The following TRAPPC9 variants were observed in gnomAD, a reference collection of about 807,000 sequenced individuals.
TRAPPC9 encodes the protein IKK2 binding protein.
In TRAPPC9, 83 loss-of-function variants were observed where a neutral mutation model predicts 124.0. The observed-to-expected ratio is 0.67, with a 90% confidence interval of 0.56 to 0.80. The LOEUF is 0.80. Among genes scored for constraint, TRAPPC9 ranks in the 30% least tolerant of loss-of-function variants. The pLI is 0.00. For missense variants in TRAPPC9, 1,302 were observed against 1,508.3 expected, an observed-to-expected ratio of 0.86 and a Z score of 2.27; for synonymous variants, 638 against 617.5, an observed-to-expected ratio of 1.03 and a Z score of -0.49.
intron 21 of TRAPPC9, among the ~76,000 whole-genome samples, chr8:139,753,758 T>C (rs1819516787): frequency 1.3e-5 from 2 of 152,192 alleles, no homozygotes; most frequent in East Asian, 3.9e-4. Flanking sequence ...GGAATCCTCA[T>C]TTGTAACATG....
intron 21 of TRAPPC9, among the ~76,000 whole-genome samples, chr8:139,814,897 C>T (rs886608574): frequency 2.0e-5 from 3 of 152,296 alleles, no homozygotes; most frequent in East Asian, 3.9e-4. Context: ...GTCTGGAAAA[C>T]GATGCTGCTA....
intron 21 of TRAPPC9, among the ~76,000 whole-genome samples, chr8:139,885,551 G>A (rs145721277): frequency 1.4e-3 from 208 of 152,262 alleles, no homozygotes; most frequent in African/African-American, 4.7e-3. Context: ...TTGCCATTTC[G>A]GAAGACGGCC....
At chr8:140,263,779 T>C (rs2064515007) in intron 15 of TRAPPC9, among the ~76,000 whole-genome samples, 1 of 152,174 alleles carries the variant, frequency 6.6e-6, no homozygotes, top group Admixed American at 6.5e-5. Context: ...CTAAATATTA[T>C]AACGTTGACC....
At chr8:140,115,651 C>T (rs549717258) in intron 17 of TRAPPC9, among the ~76,000 whole-genome samples, 2 of 152,088 alleles carry the variant, frequency 1.3e-5, no homozygotes, top group South Asian at 4.1e-4. Flanking sequence ...GGATGTGGAA[C>T]CGGCAGATGC....
At chr8:140,407,458 T>C (rs1050419957) in intron 5 of TRAPPC9, among the ~76,000 whole-genome samples, 4 of 152,036 alleles carry the variant, frequency 2.6e-5, no homozygotes, top group Admixed American at 2.0e-4. Context: ...GGGTTTTTCA[T>C]TCTTCACATG....
intron 19 of TRAPPC9, among the ~76,000 whole-genome samples, chr8:139,922,815 A>G (rs1223465380): frequency 1.3e-5 from 2 of 152,256 alleles, no homozygotes; most frequent in Non-Finnish European, 2.9e-5. Flanking sequence ...GACACTAGAC[A>G]GAGCTGGGAC....
intron 19 of TRAPPC9, among the ~76,000 whole-genome samples, chr8:139,957,339 C>T (rs542987703): frequency 3.0e-4 from 46 of 152,302 alleles, no homozygotes; most frequent in African/African-American, 1.0e-3. Context: ...CGGCACCTAT[C>T]GGAGGGGAAC....
At chr8:139,786,760 T>TA (rs1169564667) in intron 21 of TRAPPC9, among the ~76,000 whole-genome samples, 10 of 152,138 alleles carry the variant, frequency 6.6e-5, no homozygotes, top group Admixed American at 6.5e-4. Flanking sequence ...TGCAAAAACA[T>TA]ACCTGAATCA....
intron 9 of TRAPPC9, among the ~76,000 whole-genome samples, chr8:140,324,495 G>C (rs1297752933): frequency 6.6e-6 from 1 of 152,226 alleles, no homozygotes; most frequent in African/African-American, 2.4e-5. Context: ...AAGAGGCCAA[G>C]CATCGTGGCT....
chr8:140,422,156 G>A (rs1015601889), intron 5 of TRAPPC9, among the ~76,000 whole-genome samples: 3 of 152,058 alleles, frequency 2.0e-5, no homozygotes, highest in Admixed American at 6.6e-5. Flanking sequence ...GACCCTCAGC[G>A]AGTCAGAAAA....
intron 21 of TRAPPC9, among the ~76,000 whole-genome samples, chr8:139,769,177 G>A (rs952708697): frequency 2.0e-5 from 3 of 152,174 alleles, no homozygotes; most frequent in South Asian, 2.1e-4. Flanking sequence ...CCCAGTGGAC[G>A]GCTGAAACCT....
intron 20 of TRAPPC9, among the ~76,000 whole-genome samples, chr8:139,906,750 C>T (rs1422564372): frequency 6.6e-6 from 1 of 152,162 alleles, no homozygotes; most frequent in Non-Finnish European, 1.5e-5. Flanking sequence ...ACTCCCTTCG[C>T]TCAGGCCCTC....
At chr8:140,184,859 C>T (rs1217006452) in intron 17 of TRAPPC9, among the ~76,000 whole-genome samples, 2 of 152,282 alleles carry the variant, frequency 1.3e-5, no homozygotes, top group South Asian at 2.1e-4. Flanking sequence ...AACATGCCTG[C>T]GCCCACCACC....
At chr8:139,736,106 G>A (rs569791955) in intron 21 of TRAPPC9, among the ~76,000 whole-genome samples, 3 of 152,300 alleles carry the variant, frequency 2.0e-5, no homozygotes, top group South Asian at 2.1e-4. Flanking sequence ...CAGACTGGGG[G>A]CAGGGGTGAA....
At chr8:140,219,429 G>A (rs563288349) in intron 17 of TRAPPC9, among the ~76,000 whole-genome samples, 21 of 152,250 alleles carry the variant, frequency 1.4e-4, no homozygotes, top group African/African-American at 3.9e-4. Context: ...TGTAACTACC[G>A]ACATCTGCTG....
At chr8:139,958,201 G>A (rs1265098583) in intron 19 of TRAPPC9, among the ~76,000 whole-genome samples, 5 of 152,204 alleles carry the variant, frequency 3.3e-5, no homozygotes. Flanking sequence ...TGGCCCCTGA[G>A]CTTCCAGGTC....
intron 11 of TRAPPC9, 130 bp downstream of exon 11, chr8:140,300,339 G>C (rs1181209063): frequency 9.2e-6 from 11 of 1,194,396 alleles, no homozygotes; most frequent in Non-Finnish European, 1.2e-5. Context: ...ATATGCATGC[G>C]TGCACACATC....
At chr8:140,030,056 C>T (rs554980063) in intron 17 of TRAPPC9, among the ~76,000 whole-genome samples, 1 of 152,186 alleles carries the variant, frequency 6.6e-6, no homozygotes, top group African/African-American at 2.4e-5. Context: ...TCAATAGCTT[C>T]AGAAATAATA....
intron 10 of TRAPPC9, chr8:140,302,595 T>TCAGGGCCGCG (rs1332802673): frequency 2.0e-5 from 3 of 152,186 alleles, no homozygotes; most frequent in Admixed American, 2.0e-4. Flanking sequence ...ACAGCAGCCG[T>TCAGGGCCGCG]CAGGGCCGCG....
Sources: allele counts gnomAD v4.1 joint callset (sites outside exome capture counted in the v4.1 genomes callset), GRCh38; gene constraint gnomAD v4.1.1; transcripts MANE v1.5; gene names NCBI Gene and HGNC (gene_info 2026-07-23, HGNC 2026-07-21).